Variants in ZBTB20 observed in about 807,000 individuals in gnomAD.
ZBTB20 encodes zinc finger and BTB domain containing 20.
ZBTB20 carries 9 observed loss-of-function variants against 56.9 expected under a neutral mutation model. That is an observed-to-expected ratio of 0.16 (90% confidence interval 0.10 to 0.28). ZBTB20 has a LOEUF of 0.28. ZBTB20 is among the 10% of genes least tolerant of loss of function. The probability of loss-of-function intolerance (pLI) is 1.00; values close to 1 mark genes in which losing one functional copy is unlikely to be tolerated. For synonymous variants in ZBTB20, 417 were observed against 420.7 expected (o/e 0.99, Z 0.11); for missense variants, 655 against 1,003.0 (o/e 0.65, Z 4.69).
intron 2 of ZBTB20, among the ~76,000 whole-genome samples, chr3:115,069,905 A>G (rs1221276133): frequency 6.6e-6 from 1 of 152,146 alleles, no homozygotes; most frequent in South Asian, 2.1e-4. Context: ...ATTTTACACA[A>G]AAGGACATTG....
At chr3:114,697,177 T>C (rs2063091627) in intron 5 of ZBTB20, among the ~76,000 whole-genome samples, 1 of 151,736 alleles carries the variant, frequency 6.6e-6, no homozygotes, top group South Asian at 2.1e-4. Flanking sequence ...AACTGGCTTT[T>C]TTACATAAAT....
At chr3:115,067,830 G>A (rs2082263490) in intron 2 of ZBTB20, among the ~76,000 whole-genome samples, 1 of 152,044 alleles carries the variant, frequency 6.6e-6, no homozygotes, top group African/African-American at 2.4e-5. Flanking sequence ...TTGCTAGCCT[G>A]CCGCAATTTT....
chr3:114,337,828 GAAATA>G lies in ZBTB20; in HGVS notation c.*1172_*1176del, dbSNP rs371254639. Reference sequence around the variant, plus strand: ...TACCAAAAAATATATATATGTGTGTGAAATAAAATAAAAGAGAAGGAATTGGTGGC... The same window carrying G: ...TACCAAAAAATATATATATGTGTGTGAAATAAAAGAGAAGGAATTGGTGGC... On this transcript the variant is annotated 3_prime_UTR_variant, in exon 12 of 12. Transcript: ENST00000675478. The G allele has an allele frequency of 1.1e-4, 16 of 151,228 alleles. 1 individual carries two copies. The East Asian group carries it at 1.9e-3, about 18-fold the overall frequency. The allele number at this position is 151,228 out of a possible 1,614,324, so 9.4% of individuals were successfully genotyped here.
intron 6 of ZBTB20, among the ~76,000 whole-genome samples, chr3:114,666,187 A>C (rs1212237013): frequency 6.6e-6 from 1 of 151,966 alleles, no homozygotes; most frequent in Non-Finnish European, 1.5e-5. Flanking sequence ...GAGAAGCCAA[A>C]AGACTGTATA....
chr3:115,074,438 C>A (rs2108519015), intron 1 of ZBTB20, among the ~76,000 whole-genome samples: 1 of 152,220 alleles, frequency 6.6e-6, no homozygotes, highest in Admixed American at 6.5e-5. Flanking sequence ...AAAACTTGTA[C>A]TGCCATTTAG....
rs1285451610 is a variant in ZBTB20 at position 114,389,028 on chromosome 3, C to T, written c.-177G>A. The T allele has an allele frequency of 6.6e-6, 1 of 152,168 alleles. No individual in the cohort carries two copies. The highest frequency in any genetic ancestry group is 1.5e-5 in the Non-Finnish European group (1 of 68,066). The allele number at this position is 152,168 out of a possible 1,614,324, so 9.4% of individuals were successfully genotyped here. A position where few individuals can be genotyped will look rare whatever the true frequency, so the allele number is the denominator to read the frequency against. ...ACAGTAGTTTCAAAATCAATGGTGT[C>T]ACTCTTCAGGTAAATTACTCCAAGG... On this transcript the variant is annotated 5_prime_UTR_variant, in exon 8 of 12. It removes the in-frame stop codon of an upstream open reading frame in the 5' UTR. Transcript: ENST00000675478.
At chr3:114,486,855 T>G (rs976964582) in intron 7 of ZBTB20, among the ~76,000 whole-genome samples, 1 of 152,212 alleles carries the variant, frequency 6.6e-6, no homozygotes, top group Non-Finnish European at 1.5e-5. Context: ...CCTGTTTAGA[T>G]GAATATCTTG....
intron 6 of ZBTB20, among the ~76,000 whole-genome samples, chr3:114,635,062 T>C (rs748574472): frequency 1.3e-5 from 2 of 152,210 alleles, no homozygotes; most frequent in Non-Finnish European, 2.9e-5. Flanking sequence ...GAGTTCCCTC[T>C]GTGAAGCCAG....
At chr3:114,593,095 A>C (rs1196742310) in intron 6 of ZBTB20, among the ~76,000 whole-genome samples, 1 of 152,226 alleles carries the variant, frequency 6.6e-6, no homozygotes, top group Non-Finnish European at 1.5e-5. Context: ...GCTATCTCAA[A>C]GGCTTATTTT....
intron 7 of ZBTB20, among the ~76,000 whole-genome samples, chr3:114,425,379 T>A (rs1056679250): frequency 6.6e-6 from 1 of 152,216 alleles, no homozygotes; most frequent in Non-Finnish European, 1.5e-5. Context: ...TTGTCTCTGC[T>A]TACTTCGACC....
chr3:114,872,841 T>C (rs75600665), intron 4 of ZBTB20, among the ~76,000 whole-genome samples: 3,577 of 152,064 alleles, frequency 0.024, 51 homozygotes, highest in South Asian at 0.051. Flanking sequence ...TCCAAGGAGG[T>C]AGTGTCCACA....
chr3:114,659,561 T>C (rs980991938), intron 6 of ZBTB20, among the ~76,000 whole-genome samples: 1 of 152,142 alleles, frequency 6.6e-6, no homozygotes, highest in African/African-American at 2.4e-5. Flanking sequence ...AACATGGCTC[T>C]TCTGTGAACC....
intron 6 of ZBTB20, among the ~76,000 whole-genome samples, chr3:114,652,363 T>C (rs1692977215): frequency 6.6e-6 from 1 of 152,138 alleles, no homozygotes; most frequent in Non-Finnish European, 1.5e-5. Flanking sequence ...ATTTGCTTGT[T>C]AGTATTTCAT....
intron 5 of ZBTB20, among the ~76,000 whole-genome samples, chr3:114,764,353 T>C (rs1240881251): frequency 1.3e-5 from 2 of 151,138 alleles, no homozygotes; most frequent in Non-Finnish European, 2.9e-5. Flanking sequence ...ACTCCAAAGA[T>C]CAAAGACTCG....
intron 7 of ZBTB20, among the ~76,000 whole-genome samples, chr3:114,459,408 A>G (rs1211084993): frequency 6.6e-6 from 1 of 152,202 alleles, no homozygotes. Context: ...ATAAATATAT[A>G]AAACAGCCCT....
intron 6 of ZBTB20, among the ~76,000 whole-genome samples, chr3:114,636,197 C>A (rs1453460016): frequency 6.6e-6 from 1 of 152,056 alleles, no homozygotes; most frequent in Non-Finnish European, 1.5e-5. Flanking sequence ...AAAAGCCATC[C>A]TTCAATAATA....
intron 4 of ZBTB20, among the ~76,000 whole-genome samples, chr3:114,866,207 C>T (rs566159844): frequency 6.6e-6 from 1 of 152,274 alleles, no homozygotes; most frequent in Non-Finnish European, 1.5e-5. Flanking sequence ...AAGTGTTTTA[C>T]ATGCATTATT....
intron 3 of ZBTB20, among the ~76,000 whole-genome samples, chr3:114,966,891 T>A (rs2077669560): frequency 6.6e-6 from 1 of 152,114 alleles, no homozygotes; most frequent in Non-Finnish European, 1.5e-5. Flanking sequence ...TGGGAAAACA[T>A]TTTTCATGGG....
chr3:114,944,983 C>T lies in ZBTB20; in HGVS notation c.-456+29383G>A, dbSNP rs1236234335. Among the ~76,000 whole-genome samples, 4 of 145,420 alleles carry T rather than the reference C, an allele frequency of 2.8e-5. 1 individual carries two copies. The highest frequency in any genetic ancestry group is 1.1e-4 in the African/African-American group (4 of 35,784). On this transcript the variant is annotated intron_variant, in intron 3 of 11. Transcript: ENST00000675478. Reference sequence around the variant, plus strand: ...CTGCTGAAAGTATACTTTAAATGTTCTTACCATAAAAACACGATAATTATT... The same window carrying T: ...CTGCTGAAAGTATACTTTAAATGTTTTTACCATAAAAACACGATAATTATT...
Sources: gnomAD v4.1 joint callset for allele counts (sites outside exome capture counted in the v4.1 genomes callset) on GRCh38, gnomAD v4.1.1 for gene constraint, MANE v1.5 for transcripts, NCBI Gene and HGNC (gene_info 2026-07-23, HGNC 2026-07-21) for gene names.